Variants in COL5A1 observed in about 807,000 individuals in gnomAD.
The protein encoded by COL5A1 is collagen alpha-1(V) chain.
A neutral mutation model predicts 263.7 loss-of-function variants in COL5A1; 16 were observed. That is an observed-to-expected ratio of 0.06 (90% CI 0.04 to 0.09). The LOEUF is 0.09. COL5A1 is among the 10% of genes least tolerant of loss of function. The probability of loss-of-function intolerance (pLI) is 1.00; values close to 1 mark genes in which losing one functional copy is unlikely to be tolerated. For synonymous variants in COL5A1, 1,012 were observed against 1,004.5 expected, an observed-to-expected ratio of 1.01 and a Z score of -0.14; for missense variants, 2,036 against 2,540.5, an observed-to-expected ratio of 0.80 and a Z score of 4.27.
chr9:134,679,170 G>C (rs914532664), intron 1 of COL5A1, among the ~76,000 whole-genome samples: 2 of 152,178 alleles, frequency 1.3e-5, no homozygotes, highest in African/African-American at 4.8e-5. Flanking sequence ...CTTGTGTCTT[G>C]TGTGGAAAGA....
Position 134,716,542 on chromosome 9 carries a change from C to T in COL5A1, c.655-10724C>T, listed in dbSNP as rs376392243. Among the ~76,000 whole-genome samples, 36 of 152,268 alleles carry T rather than the reference C, an allele frequency of 2.4e-4. 1 individual carries two copies. The East Asian group carries it at 6.6e-3, about 28-fold the overall frequency. On this transcript the variant is annotated intron_variant, in intron 4 of 65. Coordinates refer to ENST00000371817, the MANE Select transcript of COL5A1 (RefSeq NM_000093.5). The surrounding 1 kb of genome is among the most constrained non-coding windows in gnomAD (Gnocchi z 4.5). ...TGTGAGGTCACCACCCTTTGGGTGG[C>T]GAGTCTTTGAGGAGGTGAACCCCCA... is the stretch of plus-strand genomic sequence containing the variant.
At chr9:134,735,333 T>C (rs978820020) in intron 9 of COL5A1, among the ~76,000 whole-genome samples, 1 of 152,180 alleles carries the variant, frequency 6.6e-6, no homozygotes, top group Non-Finnish European at 1.5e-5. Flanking sequence ...CTGCCTCTTT[T>C]TCTTCTTTAT....
chr9:134,829,376 G>T (rs1209447338), intron 63 of COL5A1, among the ~76,000 whole-genome samples: 2 of 126,596 alleles, frequency 1.6e-5, no homozygotes, highest in African/African-American at 6.3e-5. Flanking sequence ...CGCGGCCTCC[G>T]GTCTCCCCGA....
At chr9:134,796,704 A>G in intron 35 of COL5A1, 144 bp from the exon 36 acceptor site, 1 of 837,462 alleles carries the variant, frequency 1.2e-6, no homozygotes, top group African/African-American at 1.7e-5. Context: ...AGGGTGAGGG[A>G]GGGGCTGGAA....
Position 134,677,568 on chromosome 9 carries a change from T to G in COL5A1, c.110-13344T>G, listed in dbSNP as rs1254346173. On this transcript the variant is annotated intron_variant, in intron 1 of 65. Coordinates refer to ENST00000371817, the MANE Select transcript of COL5A1 (RefSeq NM_000093.5). This position sits in a 1 kb window ranked among gnomAD's most constrained non-coding sequence, Gnocchi z 4.4. ...GAGGGTGAGGTTTATCAGCGGGATC[T>G]TCGGGGTGATGACATTCCTTCCCCC... Among the ~76,000 whole-genome samples the G allele has an allele frequency of 1.3e-5, 2 of 152,174 alleles. No homozygotes were observed. Among genetic ancestry groups the G allele is most frequent in the Non-Finnish European group, 2.9e-5 (2 of 68,020 alleles).
chr9:134,668,419 T>G (rs955241347), intron 1 of COL5A1, among the ~76,000 whole-genome samples: 1 of 152,162 alleles, frequency 6.6e-6, no homozygotes, highest in African/African-American at 2.4e-5. Flanking sequence ...GTGATCTTGG[T>G]CTTTGCGTGA....
intron 4 of COL5A1, among the ~76,000 whole-genome samples, chr9:134,719,410 G>A (rs985677875): frequency 2.6e-5 from 4 of 152,212 alleles, no homozygotes; most frequent in African/African-American, 7.2e-5. Context: ...ACACGGTACC[G>A]GACACATGCA....
At chr9:134,782,470 GT>G (rs1837293783) in intron 28 of COL5A1, 196 bp from the exon 29 acceptor site, 1 of 677,446 alleles carries the variant, frequency 1.5e-6, no homozygotes, top group Non-Finnish European at 2.7e-6. Context: ...GCTTCAGAAC[GT>G]TACAGCTGGG....
At chr9:134,650,225 C>T (rs1831628513) in intron 1 of COL5A1, among the ~76,000 whole-genome samples, 1 of 152,082 alleles carries the variant, frequency 6.6e-6, no homozygotes, top group Admixed American at 6.5e-5. Flanking sequence ...GCAGGAGTGA[C>T]TTAAGTTGAA....
At chr9:134,691,240 T>C (rs1478900815) in intron 2 of COL5A1, among the ~76,000 whole-genome samples, 161 bp downstream of exon 2, 1 of 152,226 alleles carries the variant, frequency 6.6e-6, no homozygotes, top group African/African-American at 2.4e-5. Flanking sequence ...GAAAAGGCAG[T>C]TGCAACAGTG....
intron 1 of COL5A1, among the ~76,000 whole-genome samples, chr9:134,690,534 G>T (rs910082599): frequency 6.6e-6 from 1 of 152,210 alleles, no homozygotes; most frequent in Admixed American, 6.5e-5. Context: ...AGGTGTCTGG[G>T]AGGCTGGGTG....
At chr9:134,727,733 A>C (rs1444133023) in intron 5 of COL5A1, among the ~76,000 whole-genome samples, 2 of 152,160 alleles carry the variant, frequency 1.3e-5, no homozygotes, top group Non-Finnish European at 2.9e-5. Context: ...CATGGACTCG[A>C]TCCACTGGAG....
chr9:134,752,530 A>T (rs2132686983), intron 13 of COL5A1, 59 bp from the exon 14 acceptor site: 1 of 1,355,602 alleles, frequency 7.4e-7, no homozygotes, highest in East Asian at 2.3e-5. Context: ...CTCAGGCGCC[A>T]GCAAACCGGA....
At chr9:134,804,637 G>A (rs114020372) in intron 39 of COL5A1, among the ~76,000 whole-genome samples, 141 of 152,350 alleles carry the variant, frequency 9.3e-4, no homozygotes, top group African/African-American at 3.3e-3. Context: ...CCAGATGAGC[G>A]TGGCTTCCAG....
At position 134,647,375 on chromosome 9, in the gene COL5A1, G is replaced by A. The variant is rs1272935014; in HGVS notation, c.109+5079G>A. Among the ~76,000 whole-genome samples the A allele has an allele frequency of 6.6e-6, 1 of 151,556 alleles. No individual in the cohort carries two copies. The highest frequency in any genetic ancestry group is 1.5e-5 in the Non-Finnish European group (1 of 68,010). On this transcript the variant is annotated intron_variant, in intron 1 of 65. Transcript: ENST00000371817. This position sits in a 1 kb window ranked among gnomAD's most constrained non-coding sequence, Gnocchi z 5.0. ...GCGTTTGTGTGTATGTGTGTCATGT[G>A]TGCGTGTGTGTGTGTGTGTGTCAGG...
rs776289460 is a variant in COL5A1 at position 134,680,709 on chromosome 9, G to A, written c.110-10203G>A. On this transcript the variant is annotated intron_variant, in intron 1 of 65. Transcript: ENST00000371817. This position sits in a 1 kb window ranked among gnomAD's most constrained non-coding sequence, Gnocchi z 5.9. ...GCACCATGATGGGGTCTTGCAGGAC[G>A]GTGACACTGGTGAGGAGATGGACCT... Among the ~76,000 whole-genome samples the A allele has an allele frequency of 7.9e-5, 12 of 152,234 alleles. No homozygotes were observed. The highest frequency in any genetic ancestry group is 4.1e-4 in the South Asian group (2 of 4,838).
chr9:134,730,441 C>A lies in COL5A1; in HGVS notation c.1130C>A (p.Pro377His), dbSNP rs868555520. Residue 377 changes from proline to histidine, a missense_variant, in exon 7 of 66, where the codon CCC (proline) becomes CAC (histidine). Around this residue, in one of 3 missense-constraint regions of COL5A1, gnomAD observed 600 missense variants for 634.5 expected, o/e 0.95. Coordinates refer to ENST00000371817, the MANE Select transcript of COL5A1 (RefSeq NM_000093.5). ...PTDPGAGAEI[P>H]TSTADTSNSS... is the part of the protein sequence containing the mutation. ...GACCCAGGCGCTGGGGCCGAAATTC[C>A]CACCAGCACCGCCGACACCTCCAAC... The A allele has an allele frequency of 6.2e-7, 1 of 1,614,176 alleles. No individual in the cohort carries two copies. The highest frequency in any genetic ancestry group is 8.5e-7 in the Non-Finnish European group (1 of 1,180,050).
rs371233552 is a variant in COL5A1 at position 134,731,428 on chromosome 9, G to A, written c.1165-68G>A. Reference sequence around the variant, plus strand: ...ACCGGATAGCCACAGTGCCCGCCCAGGGCCTGATGGAGAGGCAGTGCCTGG... The same window carrying A: ...ACCGGATAGCCACAGTGCCCGCCCAAGGCCTGATGGAGAGGCAGTGCCTGG... On this transcript the variant is annotated intron_variant, in intron 7 of 65. Transcript: ENST00000371817. 1,765 of 1,540,612 alleles carry A rather than the reference G, an allele frequency of 1.1e-3. 31 individuals are homozygous for A. In the African/African-American group the frequency reaches 0.021, roughly 19 times the overall value.
At chr9:134,782,895 C>T (rs1837315062) in intron 29 of COL5A1, among the ~76,000 whole-genome samples, 175 bp downstream of exon 29, 1 of 152,214 alleles carries the variant, frequency 6.6e-6, no homozygotes, top group Non-Finnish European at 1.5e-5. Context: ...CCGACTCTCT[C>T]CAGCTCCTCT....
Sources: gnomAD v4.1 joint callset for allele counts (sites outside exome capture counted in the v4.1 genomes callset) on GRCh38, gnomAD v4.1.1 for gene constraint, gnomAD v4.1.1 regional missense constraint, Gnocchi (gnomAD v3.1) non-coding constraint, MANE v1.5 for transcripts, NCBI Gene and HGNC (gene_info 2026-07-23, HGNC 2026-07-21) for gene names.